The following MYCBP2 variants were observed in gnomAD, a reference collection of about 807,000 sequenced individuals.
MYCBP2 encodes E3 ubiquitin-protein ligase MYCBP2.
Under a neutral mutation model 525.3 loss-of-function variants are expected in MYCBP2, and 120 were observed. That is an observed-to-expected ratio of 0.23 (90% CI 0.20 to 0.27). The LOEUF (loss-of-function observed/expected upper bound fraction) is 0.27. Among genes scored for constraint, MYCBP2 ranks in the 10% least tolerant of loss-of-function variants. The pLI, the probability that MYCBP2 is intolerant of heterozygous loss-of-function variation, is 1.00. For missense variants in MYCBP2, 4,149 were observed against 5,657.1 expected, an observed-to-expected ratio of 0.73 and a Z score of 8.55; for synonymous variants, 1,894 against 1,955.8, an observed-to-expected ratio of 0.97 and a Z score of 0.83.
At chr13:77,259,251 T>A (rs2072804953) in intron 13 of MYCBP2, among the ~76,000 whole-genome samples, 2 of 151,640 alleles carry the variant, frequency 1.3e-5, no homozygotes. Context: ...GGAGACAGAG[T>A]GAGACTCCCT....
rs543725975 is a variant in MYCBP2, at chr13:77,262,087, C to T, written c.1613G>A (p.Arg538Gln). 3.1e-6 allele frequency: 5 copies of T among 1,611,706 alleles called. No homozygotes were observed. Among genetic ancestry groups the T allele is most frequent in the East Asian group, 2.2e-5 (1 of 44,730 alleles). Residue 538 changes from arginine to glutamine, a missense_variant, in exon 11 of 83, where the codon CGA becomes CAA. Arg to Gln is a conservative substitution (Grantham distance 43). Transcript: ENST00000544440. ...DEESAILGAG[R>Q]EFALMKTANG... The stretch of plus-strand genomic sequence containing the variant: ...TGCTGTTTTCATTAGCGCAAACTCT[C>T]GTCCTGCACCAAGAATTGCTGACTC...
intron 15 of MYCBP2, among the ~76,000 whole-genome samples, chr13:77,245,473 G>A (rs1159598152): frequency 1.3e-5 from 2 of 151,974 alleles, no homozygotes; most frequent in African/African-American, 4.8e-5. Context: ...AATGAAGGCT[G>A]GAAACCATCA....
intron 4 of MYCBP2, among the ~76,000 whole-genome samples, chr13:77,277,918 C>T (rs1167732528): frequency 6.6e-6 from 1 of 152,156 alleles, no homozygotes; most frequent in Non-Finnish European, 1.5e-5. Context: ...AAAAATTATG[C>T]TTCCATCTAT....
At chr13:77,196,599 G>C (rs1320699087) in intron 26 of MYCBP2, among the ~76,000 whole-genome samples, 2 of 152,202 alleles carry the variant, frequency 1.3e-5, no homozygotes, top group Non-Finnish European at 2.9e-5. Flanking sequence ...AAGTGGATGT[G>C]TGTAAAAGAA....
chr13:77,105,967 G>A (rs1195304385), intron 55 of MYCBP2, among the ~76,000 whole-genome samples: 2 of 152,044 alleles, frequency 1.3e-5, no homozygotes, highest in Non-Finnish European at 2.9e-5. Context: ...TTCATTTTAA[G>A]TTGTACTTTT....
intron 21 of MYCBP2, among the ~76,000 whole-genome samples, chr13:77,215,034 T>C (rs1353245306): frequency 6.6e-6 from 1 of 152,134 alleles, no homozygotes; most frequent in African/African-American, 2.4e-5. Flanking sequence ...TGTAAAACAA[T>C]GACATTCATT....
At chr13:77,139,838 TG>T (rs1251861482) in intron 51 of MYCBP2, among the ~76,000 whole-genome samples, 3 of 152,252 alleles carry the variant, frequency 2.0e-5, no homozygotes, top group Admixed American at 1.3e-4. Context: ...GTTCTTTTCA[TG>T]TTCAAAATAT....
At chr13:77,308,363 G>C (rs1342222871) in intron 1 of MYCBP2, among the ~76,000 whole-genome samples, 1 of 151,932 alleles carries the variant, frequency 6.6e-6, no homozygotes, top group Admixed American at 6.6e-5. Context: ...TTTTCCTTCA[G>C]CCTGCTATGT....
At chr13:77,095,921 G>A (rs1464055955) in intron 57 of MYCBP2, among the ~76,000 whole-genome samples, 2 of 151,874 alleles carry the variant, frequency 1.3e-5, no homozygotes, top group African/African-American at 4.8e-5. Context: ...TTAGTTAGGT[G>A]CCACTAGAGT....
intron 60 of MYCBP2, 77 bp downstream of exon 60, chr13:77,090,029 A>C (rs1448929259): frequency 7.0e-6 from 9 of 1,280,460 alleles, no homozygotes; most frequent in African/African-American, 1.5e-5. Context: ...AAATTTTAAA[A>C]ATTATATGCA....
intron 27 of MYCBP2, among the ~76,000 whole-genome samples, chr13:77,193,039 G>A (rs2061432161): frequency 6.6e-6 from 1 of 152,144 alleles, no homozygotes; most frequent in African/African-American, 2.4e-5. Flanking sequence ...TGAGGCATGA[G>A]AATCGCTTAA....
chr13:77,263,717 C>T lies in MYCBP2; in HGVS notation c.1504G>A (p.Ala502Thr), dbSNP rs766974202. ...VLQQELQLKL[A>T]RKCLHACGIS... is the part of the protein sequence containing the mutation. ...CCACAGGCATGTAAGCATTTTCTAG[C>T]CAGTTTAAGTTGCAATTCTTGCTGT... is the stretch of plus-strand genomic sequence containing the variant. Residue 502 changes from alanine (A) to threonine (T), a missense_variant, in exon 10 of 83, where the codon GCT (alanine) becomes ACT (threonine). This residue lies in a region of MYCBP2 where 262 missense variants were observed against 419.3 expected (regional missense o/e 0.62). Transcript: ENST00000544440. 6.8e-6 allele frequency: 11 copies of T among 1,613,068 alleles called. No individual in the cohort carries two copies. The highest frequency in any genetic ancestry group is 9.3e-6 in the Non-Finnish European group (11 of 1,179,392).
At chr13:77,162,004 A>T (rs1174789819) in intron 43 of MYCBP2, 49 bp from the exon 44 acceptor site, 1 of 1,306,726 alleles carries the variant, frequency 7.7e-7, no homozygotes, top group Non-Finnish European at 1.1e-6. Context: ...TATTTAGTTT[A>T]GTTTAATTTT....
At position 77,055,810 on chromosome 13, in the gene MYCBP2, A is replaced by C. The variant is rs146511284; in HGVS notation, c.13438-43T>G. On this transcript the variant is annotated intron_variant, in intron 79 of 82. Transcript: ENST00000544440. ...CACTCTTTAGCAGAATCATTTATTA[A>C]CCAACTCAACAAACACTTAGCATGC... 13 of 1,431,490 alleles carry C rather than the reference A, an allele frequency of 9.1e-6. No individual in the cohort carries two copies. The African/African-American group carries it at 1.8e-4, about 20-fold the overall frequency. 88.7% of individuals were successfully genotyped at this position (1,431,490 alleles called of 1,614,324 possible).
chr13:77,214,542 A>G (rs1233468972), intron 21 of MYCBP2, among the ~76,000 whole-genome samples: 1 of 152,198 alleles, frequency 6.6e-6, no homozygotes, highest in African/African-American at 2.4e-5. Flanking sequence ...AAGAGCATAT[A>G]TAGGCTATTA....
At chr13:77,215,110 C>T (rs1028400770) in intron 21 of MYCBP2, among the ~76,000 whole-genome samples, 2 of 152,104 alleles carry the variant, frequency 1.3e-5, no homozygotes, top group African/African-American at 2.4e-5. Context: ...GGAAGTGACA[C>T]CTCTTGAGTA....
intron 80 of MYCBP2, among the ~76,000 whole-genome samples, chr13:77,054,058 G>A (rs2037364217): frequency 6.6e-6 from 1 of 152,128 alleles, no homozygotes; most frequent in Non-Finnish European, 1.5e-5. Flanking sequence ...AGTGAGATGG[G>A]GGTATGTTAC....
At chr13:77,079,520 A>G (rs2042923595) in intron 65 of MYCBP2, among the ~76,000 whole-genome samples, 1 of 152,226 alleles carries the variant, frequency 6.6e-6, no homozygotes, top group Non-Finnish European at 1.5e-5. Flanking sequence ...GGAGAGCTGC[A>G]TAATATGAGT....
chr13:77,192,970 A>C (rs1316787815), intron 27 of MYCBP2, among the ~76,000 whole-genome samples: 1 of 152,032 alleles, frequency 6.6e-6, no homozygotes, highest in African/African-American at 2.4e-5. Flanking sequence ...CTCTACTAAA[A>C]ATACAAACAT....
Sources: allele counts gnomAD v4.1 joint callset (sites outside exome capture counted in the v4.1 genomes callset), GRCh38; gene constraint gnomAD v4.1.1; regional missense constraint gnomAD v4.1.1; transcripts MANE v1.5; gene names NCBI Gene and HGNC (gene_info 2026-07-23, HGNC 2026-07-21).